CCBE1: variants seen among roughly 807,000 people sequenced by gnomAD.
CCBE1 encodes the protein collagen and calcium-binding EGF domain-containing protein 1.
Under a neutral mutation model 50.0 loss-of-function variants are expected in CCBE1, and 37 were observed. The ratio of observed to expected loss-of-function variants is 0.74; its 90% confidence interval spans 0.57 to 0.97. The LOEUF (loss-of-function observed/expected upper bound fraction) is 0.97, where lower values mean the gene tolerates loss of function less well. Ranked by LOEUF, CCBE1 falls within the 50% of genes least tolerant of loss-of-function variation. The pLI, the probability that CCBE1 is intolerant of heterozygous loss-of-function variation, is 0.00. For missense variants in CCBE1, 538 were observed against 523.8 expected, an observed-to-expected ratio of 1.03 and a Z score of -0.26; for synonymous variants, 234 against 203.7, an observed-to-expected ratio of 1.15 and a Z score of -1.27.
intron 6 of CCBE1, among the ~76,000 whole-genome samples, chr18:59,453,417 G>C (rs1404057995): frequency 6.6e-6 from 1 of 152,174 alleles, no homozygotes; most frequent in African/African-American, 2.4e-5. Context: ...GATAGACAAG[G>C]TTTTCTGCCT....
chr18:59,697,495 T>C, upstream of CCBE1: 1 of 995,276 alleles, frequency 1.0e-6, no homozygotes, highest in Non-Finnish European at 1.4e-6. Flanking sequence ...GGGTCCGGAA[T>C]ATTATGGGGC....
chr18:59,477,230 A>G (rs1304070863), intron 3 of CCBE1, among the ~76,000 whole-genome samples: 2 of 152,216 alleles, frequency 1.3e-5, no homozygotes, highest in Non-Finnish European at 2.9e-5. Context: ...CTGGAACACC[A>G]GAAACACCTT....
At chr18:59,474,183 C>T (rs1912199192) in intron 3 of CCBE1, among the ~76,000 whole-genome samples, 1 of 152,134 alleles carries the variant, frequency 6.6e-6, no homozygotes, top group South Asian at 2.1e-4. Flanking sequence ...TTGTGAATAG[C>T]ACGGTGATGA....
At chr18:59,501,819 T>C (rs138838557) in intron 2 of CCBE1, among the ~76,000 whole-genome samples, 1 of 152,324 alleles carries the variant, frequency 6.6e-6, no homozygotes, top group East Asian at 1.9e-4. Flanking sequence ...TTCCTTCATT[T>C]ATTTTGAGAC....
At chr18:59,477,565 T>TGC (rs1555681691) in intron 3 of CCBE1, among the ~76,000 whole-genome samples, 1 of 146,082 alleles carries the variant, frequency 6.8e-6, no homozygotes, top group East Asian at 2.0e-4. Context: ...TGTGTGTGTG[T>TGC]GCACCTGCAT....
chr18:59,651,785 A>C (rs1288646388), intron 2 of CCBE1, among the ~76,000 whole-genome samples: 2 of 152,226 alleles, frequency 1.3e-5, no homozygotes, highest in Non-Finnish European at 2.9e-5. Context: ...TGTAAATATC[A>C]GTCCTGGGAA....
chr18:59,478,079 C>G (rs1340306543), intron 3 of CCBE1, among the ~76,000 whole-genome samples: 1 of 152,140 alleles, frequency 6.6e-6, no homozygotes, highest in East Asian at 1.9e-4. Context: ...ATAGAAAAAA[C>G]CTGACCTCCC....
At chr18:59,601,010 GTTTTTTTTTTTTTTTTTTTTTTTT>G (rs71177045) in intron 2 of CCBE1, among the ~76,000 whole-genome samples, 5 of 58,004 alleles carry the variant, frequency 8.6e-5, no homozygotes, top group Admixed American at 2.5e-4. Flanking sequence ...CTATGTGTCA[GTTTTTTTTTTTTTTTTTTTTTTTT>G]TTTTTTTTTT....
intron 2 of CCBE1, among the ~76,000 whole-genome samples, chr18:59,595,681 A>G (rs948787411): frequency 6.6e-6 from 1 of 152,276 alleles, no homozygotes; most frequent in Non-Finnish European, 1.5e-5. Flanking sequence ...AAAGGTAAAC[A>G]TGTATGAATA....
chr18:59,569,268 C>T (rs573970506), intron 2 of CCBE1, among the ~76,000 whole-genome samples: 3 of 152,130 alleles, frequency 2.0e-5, no homozygotes, highest in African/African-American at 4.8e-5. Context: ...TGCCAGAAAC[C>T]GAAGACTCCT....
intron 2 of CCBE1, among the ~76,000 whole-genome samples, chr18:59,550,811 G>A (rs540631750): frequency 6.6e-6 from 1 of 151,888 alleles, no homozygotes; most frequent in African/African-American, 2.4e-5. Flanking sequence ...GGAGGATCAC[G>A]AAGTCAGGAG....
intron 2 of CCBE1, among the ~76,000 whole-genome samples, chr18:59,595,035 C>T (rs1166249226): frequency 6.6e-6 from 1 of 150,946 alleles, no homozygotes; most frequent in East Asian, 1.9e-4. Flanking sequence ...TCCCTTGAAC[C>T]CGGGAGATGG....
chr18:59,443,952 T>G (rs1372624400), intron 7 of CCBE1, among the ~76,000 whole-genome samples: 1 of 152,258 alleles, frequency 6.6e-6, no homozygotes, highest in Non-Finnish European at 1.5e-5. Context: ...TCTATGAGTT[T>G]AATTATTTTA....
chr18:59,555,102 A>T (rs2052637277), intron 2 of CCBE1, among the ~76,000 whole-genome samples: 1 of 152,238 alleles, frequency 6.6e-6, no homozygotes, highest in Non-Finnish European at 1.5e-5. Flanking sequence ...ATGTTTCAAC[A>T]TGTAAATTGA....
chr18:59,622,671 T>G (rs1280801050), intron 2 of CCBE1, among the ~76,000 whole-genome samples: 1 of 150,652 alleles, frequency 6.6e-6, no homozygotes, highest in East Asian at 1.9e-4. Flanking sequence ...CGTGGTGGCA[T>G]GCGCCTATAA....
Position 59,692,956 on chromosome 18 carries a change from G to GCA in CCBE1, c.212+3671_212+3672dup, listed in dbSNP as rs59496597. 7.7e-3 allele frequency among the ~76,000 whole-genome samples: 671 copies of GCA among 86,920 alleles called. 4 individuals carry two copies. The highest frequency in any genetic ancestry group is 0.023 in the African/African-American group (528 of 22,958). 57.0% of individuals were successfully genotyped at this position (86,920 alleles called of 152,430 possible). A position where few individuals can be genotyped will look rare whatever the true frequency, so the allele number is the denominator to read the frequency against. Reference sequence around the variant, plus strand: ...AAAAGAACCACTTTGTCAAGCCAAAGCACACACACACACACACACACACAC... The same window carrying GCA: ...AAAAGAACCACTTTGTCAAGCCAAAGCACACACACACACACACACACACACAC... On this transcript the variant is annotated intron_variant, in intron 2 of 10. Coordinates refer to ENST00000439986, the MANE Select transcript of CCBE1 (RefSeq NM_133459.4).
At chr18:59,610,763 C>A (rs2053557998) in intron 2 of CCBE1, among the ~76,000 whole-genome samples, 1 of 136,204 alleles carries the variant, frequency 7.3e-6, no homozygotes, top group Non-Finnish European at 1.6e-5. Context: ...AGGAACGGAG[C>A]CTCACACAGA....
At chr18:59,462,230 A>C (rs913920972) in intron 5 of CCBE1, among the ~76,000 whole-genome samples, 1 of 151,778 alleles carries the variant, frequency 6.6e-6, no homozygotes, top group Non-Finnish European at 1.5e-5. Context: ...TCCTCTCTGG[A>C]CTCCGGCCGC....
At chr18:59,631,141 C>T (rs1407990188) in intron 2 of CCBE1, among the ~76,000 whole-genome samples, 1 of 151,996 alleles carries the variant, frequency 6.6e-6, no homozygotes, top group Non-Finnish European at 1.5e-5. Context: ...TGCCCACTCT[C>T]AGCATGGCAG....
Sources: gnomAD v4.1 joint callset for allele counts (sites outside exome capture counted in the v4.1 genomes callset) on GRCh38, gnomAD v4.1.1 for gene constraint, MANE v1.5 for transcripts, NCBI Gene and HGNC (gene_info 2026-07-23, HGNC 2026-07-21) for gene names.